PCDHA11: variants seen among roughly 807,000 people sequenced by gnomAD.
PCDHA11 encodes the protein protocadherin alpha 11, also known as protocadherin alpha-11.
In PCDHA11, 61 loss-of-function variants were observed where a neutral mutation model predicts 70.3. The ratio of observed to expected loss-of-function variants is 0.87; its 90% CI spans 0.71 to 1.07. The LOEUF (loss-of-function observed/expected upper bound fraction) is 1.07, where lower values mean the gene tolerates loss of function less well. Among genes scored for constraint, PCDHA11 ranks in the 50% least tolerant of loss-of-function variants. The probability of loss-of-function intolerance (pLI) is 0.00; values close to 1 mark genes in which losing one functional copy is unlikely to be tolerated. For missense variants in PCDHA11, 1,324 were observed against 1,237.5 expected, an observed-to-expected ratio of 1.07 and a Z score of -1.05; for synonymous variants, 633 against 555.1, an observed-to-expected ratio of 1.14 and a Z score of -1.97.
rs192756440 is a variant in PCDHA11, at chr5:140,876,883, G to C, written c.2391+5389G>C. On this transcript the variant is annotated intron_variant, in intron 1 of 3. Coordinates refer to ENST00000398640, the MANE Select transcript of PCDHA11 (RefSeq NM_018902.5). Reference sequence around the variant, plus strand: ...GTTCGTGAAGGAGAACAACCCGCCGGGCTGCCACATCTTCACGGTGTCGGC... The same window carrying C: ...GTTCGTGAAGGAGAACAACCCGCCGCGCTGCCACATCTTCACGGTGTCGGC... The C allele has an allele frequency of 2.2e-3, 3,631 of 1,614,132 alleles. 14 individuals are homozygous for C. Among genetic ancestry groups the C allele is most frequent in the Middle Eastern group, 9.1e-3 (55 of 6,048 alleles).
chr5:140,967,140 C>T (rs781814682), intron 1 of PCDHA11: 4 of 1,611,022 alleles, frequency 2.5e-6, no homozygotes, highest in East Asian at 2.2e-5. Flanking sequence ...GAAGTGCTGG[C>T]GCACAACCCC....
intron 1 of PCDHA11, among the ~76,000 whole-genome samples, chr5:140,888,250 G>A (rs2061753546): frequency 6.6e-6 from 1 of 152,128 alleles, no homozygotes; most frequent in African/African-American, 2.4e-5. Flanking sequence ...CTTTAAAGCA[G>A]TAGTTCTTGA....
chr5:140,986,947 C>T (rs983987541), intron 3 of PCDHA11, among the ~76,000 whole-genome samples: 1 of 152,160 alleles, frequency 6.6e-6, no homozygotes, highest in African/African-American at 2.4e-5. Context: ...GGTGTGGTCG[C>T]TCATGCCTGT....
At chr5:140,882,488 C>T in intron 1 of PCDHA11, 6 of 1,614,074 alleles carry the variant, frequency 3.7e-6, no homozygotes, top group South Asian at 1.1e-5. Context: ...ACACGGGGAC[C>T]TTCTGGAGGT....
Position 140,893,829 on chromosome 5 carries a change from A to G in PCDHA11, c.2391+22335A>G, listed in dbSNP as rs528174798. On this transcript the variant is annotated intron_variant, in intron 1 of 3. Transcript: ENST00000398640. ...TTGAGTCTGGTACCGTAGACTACTC[A>G]GCCATCCTGATGCCCTACCTCTTGT... Among the ~76,000 whole-genome samples the G allele has an allele frequency of 2.0e-5, 3 of 152,296 alleles. No homozygotes were observed. The South Asian group carries it at 6.2e-4, about 32-fold the overall frequency.
chr5:140,914,957 T>C (rs1355119889), intron 1 of PCDHA11, among the ~76,000 whole-genome samples: 1 of 150,770 alleles, frequency 6.6e-6, no homozygotes, highest in Non-Finnish European at 1.5e-5. Flanking sequence ...TTTTTTTTTT[T>C]TTTTTCTGAG....
intron 3 of PCDHA11, among the ~76,000 whole-genome samples, chr5:141,000,180 T>G (rs2153962126): frequency 6.6e-6 from 1 of 151,688 alleles, no homozygotes; most frequent in South Asian, 2.1e-4. Flanking sequence ...AGCCAAGGAG[T>G]CAATGTGAGA....
chr5:140,878,938 A>G (rs1413471911), intron 1 of PCDHA11, among the ~76,000 whole-genome samples: 1 of 152,226 alleles, frequency 6.6e-6, no homozygotes, highest in African/African-American at 2.4e-5. Flanking sequence ...TTTTAAATAA[A>G]TATATGGTAT....
chr5:140,878,800 A>T (rs1324441458), intron 1 of PCDHA11, among the ~76,000 whole-genome samples: 1 of 152,182 alleles, frequency 6.6e-6, no homozygotes, highest in Non-Finnish European at 1.5e-5. Context: ...CTTTTTAAAA[A>T]CATATGGGGG....
At chr5:140,995,488 C>T (rs1402273935) in intron 3 of PCDHA11, among the ~76,000 whole-genome samples, 26 of 152,182 alleles carry the variant, frequency 1.7e-4, no homozygotes, top group Admixed American at 1.6e-3. Context: ...TATTTTCAGA[C>T]TAAGGTTGAC....
rs369720251 is a variant in PCDHA11 at position 140,883,769 on chromosome 5, G to A, written c.2391+12275G>A. 9.3e-6 allele frequency: 15 copies of A among 1,612,378 alleles called. No homozygotes were observed. The South Asian group carries it at 1.2e-4, about 13-fold the overall frequency. On this transcript the variant is annotated intron_variant, in intron 1 of 3. Transcript: ENST00000398640. ...CTCGCTGGTGGAGCGGCGGGTGGGC[G>A]AGCGTGCGCTGTCGAGCTACGTGTC...
chr5:140,942,023 A>G (rs1391051051), intron 1 of PCDHA11, among the ~76,000 whole-genome samples: 2 of 152,208 alleles, frequency 1.3e-5, no homozygotes, highest in African/African-American at 4.8e-5. Context: ...TTGGGAAAAA[A>G]TAATTCATAA....
chr5:140,941,218 T>TCTTTCTTC, intron 1 of PCDHA11, among the ~76,000 whole-genome samples: 1 of 125,730 alleles, frequency 8.0e-6, no homozygotes, highest in African/African-American at 3.3e-5. Context: ...TTTCTTCCTT[T>TCTTTCTTC]CTTTCTTTCT....
chr5:140,876,499 G>C, intron 1 of PCDHA11: 1 of 1,614,028 alleles, frequency 6.2e-7, no homozygotes, highest in South Asian at 1.1e-5. Flanking sequence ...AGTTCTGGAC[G>C]TGAATGACAA....
chr5:140,927,676 G>A (rs2084491623), intron 1 of PCDHA11: 1 of 1,614,192 alleles, frequency 6.2e-7, no homozygotes, highest in South Asian at 1.1e-5. Flanking sequence ...GGATCCAGAT[G>A]AAGGGTCCAA....
At chr5:140,884,130 C>G (rs1554181258) in intron 1 of PCDHA11, 4 of 1,613,434 alleles carry the variant, frequency 2.5e-6, no homozygotes, top group African/African-American at 1.3e-5. Context: ...GCGCGCATCC[C>G]GTTCCGCGTG....
chr5:140,990,760 G>A (rs2097413418), intron 3 of PCDHA11, among the ~76,000 whole-genome samples: 1 of 152,182 alleles, frequency 6.6e-6, no homozygotes, highest in Non-Finnish European at 1.5e-5. Context: ...CTTTGAGCCT[G>A]TAAATTTGGC....
chr5:140,987,078 G>T (rs1158243032), intron 3 of PCDHA11, among the ~76,000 whole-genome samples: 4 of 152,026 alleles, frequency 2.6e-5, no homozygotes, highest in Non-Finnish European at 5.9e-5. Context: ...GCTGGGCGTG[G>T]TGGCAGGTGC....
chr5:141,000,383 CTCTCTCTCTCTCTA>C (rs1438422699), intron 3 of PCDHA11, among the ~76,000 whole-genome samples: 4 of 63,178 alleles, frequency 6.3e-5, no homozygotes, highest in African/African-American at 2.9e-4. Context: ...CTCTCTCTCT[CTCTCTCTCTCTCTA>C]TATATATATA....
Sources: gnomAD v4.1 joint callset for allele counts (sites outside exome capture counted in the v4.1 genomes callset) on GRCh38, gnomAD v4.1.1 for gene constraint, MANE v1.5 for transcripts, NCBI Gene and HGNC (gene_info 2026-07-23, HGNC 2026-07-21) for gene names.